Variants in RORA observed in about 807,000 individuals in gnomAD.
The protein encoded by RORA is nuclear receptor ROR-alpha.
Under a neutral mutation model 69.5 loss-of-function variants are expected in RORA, and 7 were observed. The ratio of observed to expected loss-of-function variants is 0.10; its 90% confidence interval spans 0.06 to 0.19. The LOEUF (loss-of-function observed/expected upper bound fraction) is 0.19, where lower values mean the gene tolerates loss of function less well. Ranked by LOEUF, RORA falls within the 10% of genes least tolerant of loss-of-function variation. The probability of loss-of-function intolerance (pLI) is 1.00; values close to 1 mark genes in which losing one functional copy is unlikely to be tolerated. For synonymous variants in RORA, 261 were observed against 240.8 expected (o/e 1.08, Z -0.78); for missense variants, 457 against 663.0 (o/e 0.69, Z 3.41).
At position 60,556,900 on chromosome 15, in the gene RORA, G is replaced by C. The variant is rs144715228; in HGVS notation, c.197-25049C>G. The C allele has an allele frequency of 6.2e-7, 1 of 1,613,556 alleles. No individual in the cohort carries two copies. The highest frequency in any genetic ancestry group is 1.7e-5 in the Admixed American group (1 of 59,982). ...TTCCTTATCTTCCTTTTGTGAATAT[G>C]GTGGCTTGCCATTCTGCCTCCAGGA... On this transcript the variant is annotated intron_variant, in intron 2 of 10. Transcript: ENST00000335670.
chr15:60,787,764 C>G (rs1306768877), intron 1 of RORA, among the ~76,000 whole-genome samples: 3 of 152,218 alleles, frequency 2.0e-5, no homozygotes, highest in African/African-American at 7.2e-5. Context: ...GCTATGAGAA[C>G]TTCAGGGAAG....
At chr15:61,156,174 A>C (rs1009518347) in intron 1 of RORA, among the ~76,000 whole-genome samples, 1 of 152,108 alleles carries the variant, frequency 6.6e-6, no homozygotes, top group Non-Finnish European at 1.5e-5. Flanking sequence ...TCTTTTTTTT[A>C]AGAGCATAAA....
chr15:60,815,834 T>C (rs1490094404), intron 1 of RORA, among the ~76,000 whole-genome samples: 2 of 149,882 alleles, frequency 1.3e-5, no homozygotes, highest in Non-Finnish European at 3.0e-5. Flanking sequence ...AATAATAGTA[T>C]ATATTTACAC....
At chr15:60,703,020 T>G (rs561711241) in intron 1 of RORA, among the ~76,000 whole-genome samples, 16 of 152,096 alleles carry the variant, frequency 1.1e-4, no homozygotes, top group Non-Finnish European at 2.2e-4. Context: ...AAAGAATTAA[T>G]TGCAAAGTAA....
At chr15:60,499,851 GA>G (rs756620723) in intron 10 of RORA, 40 bp downstream of exon 10, 36 of 1,103,296 alleles carry the variant, frequency 3.3e-5, no homozygotes, top group Non-Finnish European at 4.5e-5. Context: ...TGTGCCAGGG[GA>G]TAGTTCAGGC....
intron 1 of RORA, among the ~76,000 whole-genome samples, chr15:60,948,166 AT>A (rs1892958270): frequency 6.6e-6 from 1 of 152,146 alleles, no homozygotes; most frequent in Non-Finnish European, 1.5e-5. Context: ...GAAAGGGAGC[AT>A]TTAAAGTTCT....
At chr15:61,225,695 C>G (rs955695500) in intron 1 of RORA, among the ~76,000 whole-genome samples, 1 of 152,166 alleles carries the variant, frequency 6.6e-6, no homozygotes, top group African/African-American at 2.4e-5. Context: ...GATGACTTCA[C>G]TGAACTAAAA....
intron 1 of RORA, among the ~76,000 whole-genome samples, chr15:61,199,746 A>G (rs569823214): frequency 6.6e-6 from 1 of 152,376 alleles, no homozygotes; most frequent in African/African-American, 2.4e-5. Context: ...AAATGTAATC[A>G]CATATGACAA....
intron 1 of RORA, among the ~76,000 whole-genome samples, chr15:60,830,014 C>T (rs1179320553): frequency 1.3e-5 from 2 of 152,170 alleles, no homozygotes; most frequent in Non-Finnish European, 2.9e-5. Flanking sequence ...GAACAAACAA[C>T]TTTAAAGATA....
chr15:61,001,314 G>A (rs1051921074), intron 1 of RORA, among the ~76,000 whole-genome samples: 1 of 152,198 alleles, frequency 6.6e-6, no homozygotes, highest in African/African-American at 2.4e-5. Flanking sequence ...TCAACTTAGG[G>A]CTCAGATTCC....
At position 60,532,373 on chromosome 15, in the gene RORA, T is replaced by C. The variant is rs558785323; in HGVS notation, c.197-522A>G. 5.9e-5 allele frequency among the ~76,000 whole-genome samples: 9 copies of C among 152,326 alleles called. No homozygotes were observed. The South Asian group carries it at 6.2e-4, about 11-fold the overall frequency. ...TTTTAAAAAATTAACGCAGTTGCCA[T>C]GTGTTAAAAATTAGTCCATTTGTGT... On this transcript the variant is annotated intron_variant, in intron 2 of 10. Transcript: ENST00000335670.
At chr15:60,879,783 A>C (rs1595787246) in intron 1 of RORA, among the ~76,000 whole-genome samples, 2 of 152,260 alleles carry the variant, frequency 1.3e-5, no homozygotes, top group East Asian at 3.9e-4. Context: ...CTATATTAAA[A>C]GGAAATGCTT....
chr15:61,007,977 C>T (rs1894965983), intron 1 of RORA, among the ~76,000 whole-genome samples: 1 of 151,298 alleles, frequency 6.6e-6, no homozygotes, highest in Admixed American at 6.6e-5. Flanking sequence ...TCGTGTATTT[C>T]TTTAAAAAAT....
chr15:61,203,954 T>C (rs2079917076), intron 1 of RORA, among the ~76,000 whole-genome samples: 1 of 152,226 alleles, frequency 6.6e-6, no homozygotes, highest in Non-Finnish European at 1.5e-5. Context: ...AGAGAGTACC[T>C]ATTTTTTCAC....
At chr15:61,074,429 GAC>G (rs1277966867) in intron 1 of RORA, among the ~76,000 whole-genome samples, 3 of 152,160 alleles carry the variant, frequency 2.0e-5, no homozygotes, top group Non-Finnish European at 4.4e-5. Flanking sequence ...CAGTGATACA[GAC>G]ACAGACATAG....
At chr15:60,888,284 C>T (rs143761522) in intron 1 of RORA, among the ~76,000 whole-genome samples, 1,819 of 152,342 alleles carry the variant, frequency 0.012, 13 homozygotes, top group Non-Finnish European at 0.017. Context: ...TCTGACCACC[C>T]CACCTCAGGG....
intron 10 of RORA, 105 bp downstream of exon 10, chr15:60,499,787 G>A: frequency 3.1e-6 from 2 of 645,054 alleles, no homozygotes; most frequent in South Asian, 2.2e-5. Context: ...GTTGCCTTCT[G>A]ATACTTTTGG....
intron 1 of RORA, among the ~76,000 whole-genome samples, chr15:60,984,385 C>T (rs112242189): frequency 1.4e-3 from 212 of 151,382 alleles, no homozygotes; most frequent in Non-Finnish European, 2.3e-3. Flanking sequence ...CAATTAATTG[C>T]TTTTACCAAT....
intron 2 of RORA, among the ~76,000 whole-genome samples, chr15:60,672,260 G>C (rs1210872799): frequency 6.6e-6 from 1 of 152,134 alleles, no homozygotes; most frequent in African/African-American, 2.4e-5. Context: ...TTGGTCAATT[G>C]TAAGAATGAC....
Sources: allele counts gnomAD v4.1 joint callset (sites outside exome capture counted in the v4.1 genomes callset), GRCh38; gene constraint gnomAD v4.1.1; transcripts MANE v1.5; gene names NCBI Gene and HGNC (gene_info 2026-07-23, HGNC 2026-07-21).